PTPRG: variants seen among roughly 807,000 people sequenced by gnomAD.
The protein encoded by PTPRG is protein tyrosine phosphatase receptor type G.
Under a neutral mutation model 165.3 loss-of-function variants are expected in PTPRG, and 102 were observed. The observed-to-expected ratio is 0.62, with a 90% confidence interval of 0.53 to 0.73. The LOEUF (loss-of-function observed/expected upper bound fraction) is 0.73, where lower values mean the gene tolerates loss of function less well. Ranked by LOEUF, PTPRG falls within the 30% of genes least tolerant of loss-of-function variation. The probability of loss-of-function intolerance (pLI) is 0.00; values close to 1 mark genes in which losing one functional copy is unlikely to be tolerated. For synonymous variants in PTPRG, 675 were observed against 669.5 expected (o/e 1.01, Z -0.13); for missense variants, 1,866 against 1,861.4 (o/e 1.00, Z -0.05).
chr3:61,910,391 C>G (rs535750238), intron 2 of PTPRG, among the ~76,000 whole-genome samples: 1 of 152,174 alleles, frequency 6.6e-6, no homozygotes, highest in South Asian at 2.1e-4. Context: ...ACCAAAGATT[C>G]TCATTGCCTC....
intron 2 of PTPRG, among the ~76,000 whole-genome samples, chr3:61,807,859 A>G (rs2035461801): frequency 6.6e-6 from 1 of 152,162 alleles, no homozygotes; most frequent in Admixed American, 6.6e-5. Flanking sequence ...AAAGCAGCTC[A>G]GAGAATGACT....
chr3:61,825,327 T>C (rs2036074840), intron 2 of PTPRG, among the ~76,000 whole-genome samples: 1 of 152,190 alleles, frequency 6.6e-6, no homozygotes, highest in African/African-American at 2.4e-5. Flanking sequence ...AGACTGGTCA[T>C]ACTGAACACA....
At chr3:61,931,186 G>A (rs1378992648) in intron 2 of PTPRG, among the ~76,000 whole-genome samples, 2 of 152,110 alleles carry the variant, frequency 1.3e-5, no homozygotes, top group African/African-American at 4.8e-5. Context: ...CTCACTGCTG[G>A]GCCACTTTGC....
chr3:62,219,764 C>T lies in PTPRG; in HGVS notation c.2288+781C>T, dbSNP rs2106888600. Among the ~76,000 whole-genome samples the T allele has an allele frequency of 6.6e-6, 1 of 152,316 alleles. No individual in the cohort carries two copies. Among genetic ancestry groups the T allele is most frequent in the Non-Finnish European group, 1.5e-5 (1 of 68,034 alleles). ...TTCTTTCCATTCACTCAATTTTGAG[C>T]CCACACTTTGTGCCAGTCTTCTAGA... On this transcript the variant is annotated intron_variant, in intron 13 of 29. Transcript: ENST00000474889. This position sits in a 1 kb window ranked among gnomAD's most constrained non-coding sequence, Gnocchi z 4.5.
chr3:61,937,486 C>G (rs547089526), intron 2 of PTPRG, among the ~76,000 whole-genome samples: 1 of 152,268 alleles, frequency 6.6e-6, no homozygotes, highest in African/African-American at 2.4e-5. Context: ...TCTTAGAAGC[C>G]ATTTGAAATA....
intron 1 of PTPRG, among the ~76,000 whole-genome samples, chr3:61,731,029 CTACTCT>C (rs1266903999): frequency 3.3e-5 from 5 of 152,282 alleles, no homozygotes; most frequent in African/African-American, 1.2e-4. Context: ...GAACACTGTT[CTACTCT>C]TTCTGCATTA....
chr3:61,896,449 C>G (rs572917781), intron 2 of PTPRG, among the ~76,000 whole-genome samples: 2 of 151,658 alleles, frequency 1.3e-5, no homozygotes, highest in Admixed American at 6.6e-5. Context: ...TAACCTTTCA[C>G]TTATTGAAGG....
intron 1 of PTPRG, among the ~76,000 whole-genome samples, chr3:61,667,403 T>A (rs538874361): frequency 4.6e-5 from 7 of 152,164 alleles, no homozygotes; most frequent in African/African-American, 1.4e-4. Flanking sequence ...GAAAGAAAAA[T>A]ATATATATGT....
chr3:61,837,746 T>C (rs1433041450), intron 2 of PTPRG, among the ~76,000 whole-genome samples: 2 of 152,226 alleles, frequency 1.3e-5, no homozygotes, highest in African/African-American at 2.4e-5. Flanking sequence ...AAACCAGATG[T>C]ATTAGTCCAT....
At chr3:62,078,329 A>G (rs951420378) in intron 5 of PTPRG, 71 bp downstream of exon 5, 10 of 1,051,988 alleles carry the variant, frequency 9.5e-6, no homozygotes, top group African/African-American at 1.6e-5. Context: ...GAATTGTTCC[A>G]TGTTTAATGA....
chr3:62,061,829 C>T (rs1358916795), intron 4 of PTPRG, among the ~76,000 whole-genome samples: 1 of 151,566 alleles, frequency 6.6e-6, no homozygotes, highest in Non-Finnish European at 1.5e-5. Flanking sequence ...GGGGTTTCAC[C>T]ACGTTGGCCA....
chr3:62,171,198 C>G (rs1012047265), intron 8 of PTPRG, among the ~76,000 whole-genome samples: 1 of 152,062 alleles, frequency 6.6e-6, no homozygotes, highest in Non-Finnish European at 1.5e-5. Context: ...ATTTTCAAGT[C>G]TGGGTGATTA....
At chr3:61,823,670 A>T (rs1185360306) in intron 2 of PTPRG, among the ~76,000 whole-genome samples, 1 of 152,230 alleles carries the variant, frequency 6.6e-6, no homozygotes, top group Non-Finnish European at 1.5e-5. Flanking sequence ...TTTGTAGACT[A>T]GCTTAATAAG....
At chr3:62,070,164 C>T (rs993584247) in intron 4 of PTPRG, among the ~76,000 whole-genome samples, 2 of 151,964 alleles carry the variant, frequency 1.3e-5, no homozygotes, top group African/African-American at 4.8e-5. Context: ...AAATTTTAGG[C>T]CAGAGTTACT....
At chr3:61,949,500 G>C (rs939889521) in intron 2 of PTPRG, among the ~76,000 whole-genome samples, 2 of 152,138 alleles carry the variant, frequency 1.3e-5, no homozygotes, top group Admixed American at 1.3e-4. Flanking sequence ...TTTACTATGT[G>C]CCACATGCCT....
chr3:61,669,371 G>A (rs1466614638), intron 1 of PTPRG, among the ~76,000 whole-genome samples: 1 of 146,734 alleles, frequency 6.8e-6, no homozygotes, highest in Non-Finnish European at 1.5e-5. Context: ...TGCTGGTACC[G>A]GTATCAAGAG....
intron 8 of PTPRG, among the ~76,000 whole-genome samples, chr3:62,187,310 G>T (rs1699687846): frequency 6.6e-6 from 1 of 152,192 alleles, no homozygotes; most frequent in African/African-American, 2.4e-5. Context: ...GTTGATAATT[G>T]TGTTTCAAAA....
At chr3:62,033,446 C>T (rs1290170180) in intron 4 of PTPRG, among the ~76,000 whole-genome samples, 1 of 150,640 alleles carries the variant, frequency 6.6e-6, no homozygotes. Flanking sequence ...TCACTGCAAC[C>T]TCAACCTCCC....
chr3:62,023,674 C>T (rs1172718401), intron 4 of PTPRG, among the ~76,000 whole-genome samples: 1 of 152,084 alleles, frequency 6.6e-6, no homozygotes, highest in Non-Finnish European at 1.5e-5. Context: ...GCCTTTATTA[C>T]GGATATGGAA....
Sources: gnomAD v4.1 joint callset for allele counts (sites outside exome capture counted in the v4.1 genomes callset) on GRCh38, gnomAD v4.1.1 for gene constraint, Gnocchi (gnomAD v3.1) non-coding constraint, MANE v1.5 for transcripts, NCBI Gene and HGNC (gene_info 2026-07-23, HGNC 2026-07-21) for gene names.